The following RTN4 variants were observed in gnomAD, a reference collection of about 807,000 sequenced individuals.
The protein encoded by RTN4 is reticulon-4.
In RTN4, 32 loss-of-function variants were observed where a neutral mutation model predicts 90.4. The ratio of observed to expected loss-of-function variants is 0.35; its 90% confidence interval spans 0.27 to 0.48. The LOEUF is 0.48. Among genes scored for constraint, RTN4 ranks in the 20% least tolerant of loss-of-function variants. The pLI, the probability that RTN4 is intolerant of heterozygous loss-of-function variation, is 0.99. For synonymous variants in RTN4, 629 were observed against 552.5 expected, an observed-to-expected ratio of 1.14 and a Z score of -1.94; for missense variants, 1,706 against 1,430.2, an observed-to-expected ratio of 1.19 and a Z score of -3.11.
At chr2:55,039,858 G>A (rs1682952811) in intron 1 of RTN4, among the ~76,000 whole-genome samples, 2 of 152,254 alleles carry the variant, frequency 1.3e-5, no homozygotes, top group South Asian at 4.1e-4. Flanking sequence ...TTTAACCGTA[G>A]TTTTACCCTC....
chr2:55,002,048 AT>A (rs1679887444), intron 3 of RTN4, among the ~76,000 whole-genome samples: 2 of 145,244 alleles, frequency 1.4e-5, no homozygotes, highest in African/African-American at 4.9e-5. Flanking sequence ...ATCAAATCTT[AT>A]TTTATTTATT....
At chr2:55,086,473 C>A (rs1668839927) in intron 1 of RTN4, among the ~76,000 whole-genome samples, 1 of 143,672 alleles carries the variant, frequency 7.0e-6, no homozygotes, top group Non-Finnish European at 1.5e-5. Context: ...CCACCCTGGG[C>A]AACATAGCCT....
intron 1 of RTN4, among the ~76,000 whole-genome samples, chr2:55,087,472 A>G (rs1573509343): frequency 6.6e-6 from 1 of 152,206 alleles, no homozygotes; most frequent in Non-Finnish European, 1.5e-5. Context: ...TAGAAATGCT[A>G]CTATATCATG....
intron 5 of RTN4, among the ~76,000 whole-genome samples, chr2:54,982,306 T>C (rs1419235979): frequency 6.6e-6 from 1 of 152,050 alleles, no homozygotes; most frequent in Non-Finnish European, 1.5e-5. Context: ...TACAGGACTC[T>C]CTGTATTAAG....
intron 2 of RTN4, among the ~76,000 whole-genome samples, chr2:55,065,800 CAA>C (rs1668379398): frequency 6.6e-6 from 1 of 151,712 alleles, no homozygotes; most frequent in Non-Finnish European, 1.5e-5. Flanking sequence ...AAAATTAGAA[CAA>C]TGGTTACTGG....
chr2:54,987,182 A>C (rs959352700), intron 4 of RTN4, among the ~76,000 whole-genome samples: 2 of 152,232 alleles, frequency 1.3e-5, no homozygotes, highest in African/African-American at 4.8e-5. Flanking sequence ...ATCCTCATCA[A>C]ACCTACCCAT....
intron 3 of RTN4, among the ~76,000 whole-genome samples, chr2:54,994,661 A>T (rs1679275737): frequency 6.6e-6 from 1 of 152,252 alleles, no homozygotes; most frequent in Admixed American, 6.5e-5. Context: ...ACTAGGAACA[A>T]GACAAGTACA....
intron 3 of RTN4, among the ~76,000 whole-genome samples, chr2:55,016,082 G>A (rs1246525361): frequency 2.6e-5 from 4 of 151,594 alleles, no homozygotes; most frequent in Admixed American, 2.6e-4. Flanking sequence ...CAATAACAAA[G>A]GAACAATCTA....
chr2:54,995,029 G>C (rs2104714723), intron 3 of RTN4, among the ~76,000 whole-genome samples: 1 of 152,284 alleles, frequency 6.6e-6, no homozygotes, highest in African/African-American at 2.4e-5. Context: ...CAGATCACCT[G>C]AGGTCACGAG....
intron 3 of RTN4, among the ~76,000 whole-genome samples, chr2:54,989,812 T>A (rs1478283149): frequency 1.3e-5 from 2 of 152,218 alleles, no homozygotes; most frequent in African/African-American, 4.8e-5. Flanking sequence ...TCTTGAAGAA[T>A]GAATGCGACC....
At chr2:55,107,959 C>CTT (rs879458057) in intron 1 of RTN4, among the ~76,000 whole-genome samples, 1 of 146,352 alleles carries the variant, frequency 6.8e-6, no homozygotes. Flanking sequence ...AAATTCGGTC[C>CTT]TTTTTTTTTT....
At chr2:55,016,498 G>A (rs986675877) in intron 3 of RTN4, among the ~76,000 whole-genome samples, 1 of 152,050 alleles carries the variant, frequency 6.6e-6, no homozygotes, top group Non-Finnish European at 1.5e-5. Flanking sequence ...CACGAGAATC[G>A]CTTGAACCCA....
At chr2:55,052,123 C>T (rs1334412684), upstream of RTN4, among the ~76,000 whole-genome samples, 1 of 152,150 alleles carries the variant, frequency 6.6e-6, no homozygotes, top group Non-Finnish European at 1.5e-5. Flanking sequence ...CTGTATTATC[C>T]TGTAATGGTG....
the RTN4 span, among the ~76,000 whole-genome samples, chr2:55,133,435 A>T: frequency 2.0e-5 from 3 of 152,188 alleles, no homozygotes; most frequent in African/African-American, 4.8e-5. Flanking sequence ...AAAAATTGTC[A>T]GAAAGGTATA....
At chr2:55,113,454 C>T (rs1042294718), upstream of RTN4, among the ~76,000 whole-genome samples, 1 of 152,202 alleles carries the variant, frequency 6.6e-6, no homozygotes, top group African/African-American at 2.4e-5. Flanking sequence ...TCCCTGGCTA[C>T]TCTGTCCTCT....
chr2:54,974,806 G>T, intron 5 of RTN4, 42 bp from the exon 6 acceptor site: 1 of 1,548,450 alleles, frequency 6.5e-7, no homozygotes. Flanking sequence ...CAAAATTCAA[G>T]TAAAGTTTCT....
At chr2:55,094,399 G>A (rs1668996684) in intron 1 of RTN4, among the ~76,000 whole-genome samples, 1 of 152,180 alleles carries the variant, frequency 6.6e-6, no homozygotes, top group Non-Finnish European at 1.5e-5. Context: ...GACAAAGAGA[G>A]TGTTTTACAT....
intron 5 of RTN4, among the ~76,000 whole-genome samples, chr2:54,975,229 TA>T (rs1677525299): frequency 6.6e-6 from 1 of 152,222 alleles, no homozygotes; most frequent in African/African-American, 2.4e-5. Context: ...TCAGGGAAAT[TA>T]CGTTTCAGGT....
intron 2 of RTN4, among the ~76,000 whole-genome samples, chr2:55,063,557 G>A (rs920346869): frequency 6.6e-6 from 1 of 152,000 alleles, no homozygotes; most frequent in Admixed American, 6.6e-5. Flanking sequence ...GGTAAGGGTT[G>A]TAAGCAGGAG....
Sources: allele counts gnomAD v4.1 joint callset (sites outside exome capture counted in the v4.1 genomes callset), GRCh38; gene constraint gnomAD v4.1.1; transcripts MANE v1.5; gene names NCBI Gene and HGNC (gene_info 2026-07-23, HGNC 2026-07-21).